HM13: variants seen among roughly 807,000 people sequenced by gnomAD.
The protein encoded by HM13 is signal peptide peptidase.
A neutral mutation model predicts 50.0 loss-of-function variants in HM13; 18 were observed. The ratio of observed to expected loss-of-function variants is 0.36; its 90% CI spans 0.25 to 0.53. The LOEUF is 0.53. Ranked by LOEUF, HM13 falls within the 20% of genes least tolerant of loss-of-function variation. The probability of loss-of-function intolerance (pLI) is 0.90; values close to 1 mark genes in which losing one functional copy is unlikely to be tolerated. For synonymous variants in HM13, 197 were observed against 232.6 expected (o/e 0.85, Z 1.39); for missense variants, 393 against 552.4 (o/e 0.71, Z 2.89).
intron 3 of HM13, chr20:31,538,662 A>G (rs1196405139): frequency 8.9e-7 from 1 of 1,128,910 alleles, no homozygotes; most frequent in African/African-American, 1.6e-5. Context: ...CAGAGGCAGC[A>G]TAGTGAAAAG....
intron 8 of HM13, among the ~76,000 whole-genome samples, chr20:31,557,706 T>C (rs1350977417): frequency 7.0e-6 from 1 of 143,740 alleles, no homozygotes; most frequent in Non-Finnish European, 1.5e-5. Context: ...AGTGCTTCTT[T>C]TTTTTTTTTT....
At chr20:31,547,992 C>T in intron 4 of HM13, 3 of 1,584,702 alleles carry the variant, frequency 1.9e-6, no homozygotes, top group Admixed American at 1.7e-5. Context: ...AAGGAATTGG[C>T]ATTGAAAATA....
intron 3 of HM13, among the ~76,000 whole-genome samples, chr20:31,543,891 G>A (rs1367281423): frequency 6.6e-6 from 1 of 151,630 alleles, no homozygotes; most frequent in Non-Finnish European, 1.5e-5. Context: ...CCGAGATCGC[G>A]CCACTGCATT....
chr20:31,523,436 T>C lies in HM13; in HGVS notation c.184-4048T>C, dbSNP rs149915286. ...CACCAGCACGCCCAGCTAATTTTTG[T>C]ATTTTTAGTAGAGACAAGGTTTCAC... On this transcript the variant is annotated intron_variant, in intron 1 of 12. Transcript: ENST00000398174. 1.7e-3 allele frequency among the ~76,000 whole-genome samples: 265 copies of C among 152,220 alleles called. 4 individuals carry two copies. In the East Asian group the frequency reaches 0.049, roughly 28 times the overall value.
In HM13 at chr20:31,568,094, G is replaced by C. The variant is rs1216695523; in HGVS notation, c.1051G>C (p.Glu351Gln). 3 of 1,611,004 alleles carry C rather than the reference G, an allele frequency of 1.9e-6. No individual in the cohort carries two copies. In the Admixed American group the frequency reaches 5.0e-5, roughly 27 times the overall value. ...CTCACACAGCTACGAGTCCTCGGCG[G>C]AAATCCTGCCTCATACCCCGAGGCT... Reference protein sequence around the residue: ...TEMFSYESSAEILPHTPRLTH... With the variant: ...TEMFSYESSAQILPHTPRLTH... The change falls in exon 12 of 13, where the codon GAA becomes CAA. Residue 351 changes from glutamate to glutamine, a missense_variant. By Grantham distance (29) the Glu-to-Gln change is conservative. This residue lies in a region of HM13 where 105 missense variants were observed against 115.9 expected (regional missense o/e 0.91). Transcript: ENST00000398174.
chr20:31,534,148 G>GCC (rs549300622), intron 2 of HM13, among the ~76,000 whole-genome samples: 325 of 152,224 alleles, frequency 2.1e-3, no homozygotes, highest in Admixed American at 3.5e-3. Context: ...AAAGTGCTGG[G>GCC]ATTACAGGCG....
At chr20:31,528,986 T>C (rs1299584826) in intron 2 of HM13, among the ~76,000 whole-genome samples, 2 of 152,222 alleles carry the variant, frequency 1.3e-5, no homozygotes, top group Non-Finnish European at 2.9e-5. Context: ...TTTTGTTGTT[T>C]ATGTTAGGTT....
At chr20:31,566,815 C>T (rs1029159452) in intron 11 of HM13, among the ~76,000 whole-genome samples, 2 of 151,992 alleles carry the variant, frequency 1.3e-5, no homozygotes, top group African/African-American at 2.4e-5. Context: ...CACAGATACC[C>T]CTTCCCCAGG....
At chr20:31,555,475 C>T (rs6059958) in intron 8 of HM13, among the ~76,000 whole-genome samples, 48,158 of 152,034 alleles carry the variant, frequency 0.32, 11,608 homozygotes, top group African/African-American at 0.68. Context: ...GCACATCCTG[C>T]GCAACCACAG....
chr20:31,560,982 C>G (rs1487865021), intron 9 of HM13, among the ~76,000 whole-genome samples: 1 of 152,170 alleles, frequency 6.6e-6, no homozygotes, highest in African/African-American at 2.4e-5. Context: ...AGAGGGAAGT[C>G]ACGTAATGGC....
At chr20:31,562,890 C>CAG (rs1437765664) in intron 10 of HM13, among the ~76,000 whole-genome samples, 4 of 152,196 alleles carry the variant, frequency 2.6e-5, no homozygotes, top group Non-Finnish European at 5.9e-5. Context: ...GCAAGGGTCA[C>CAG]AGAGAGTGAC....
At chr20:31,521,895 T>A (rs1433448358) in intron 1 of HM13, among the ~76,000 whole-genome samples, 1 of 147,330 alleles carries the variant, frequency 6.8e-6, no homozygotes, top group Non-Finnish European at 1.5e-5. Flanking sequence ...AGTATCTCCA[T>A]GTTGCCCATG....
chr20:31,567,862 C>T (rs1408546035), intron 11 of HM13: 1 of 546,790 alleles, frequency 1.8e-6, no homozygotes. Context: ...CATGCTTGTT[C>T]TTCTGCACAG....
intron 8 of HM13, among the ~76,000 whole-genome samples, chr20:31,556,912 G>A (rs911318551): frequency 6.6e-5 from 10 of 151,702 alleles, no homozygotes; most frequent in East Asian, 1.9e-4. Flanking sequence ...CCAGCTACTC[G>A]GGAGGCTGAG....
chr20:31,523,127 T>A (rs926103452), intron 1 of HM13, among the ~76,000 whole-genome samples: 4 of 149,600 alleles, frequency 2.7e-5, no homozygotes, highest in Non-Finnish European at 4.4e-5. Context: ...CCCCACTCAC[T>A]ACGGCCTCCA....
At chr20:31,564,792 C>T (rs1984799701) in intron 10 of HM13, among the ~76,000 whole-genome samples, 1 of 147,170 alleles carries the variant, frequency 6.8e-6, no homozygotes, top group African/African-American at 2.5e-5. Context: ...TGCAATGAGC[C>T]AAGATCGCAC....
chr20:31,537,638 A>C (rs1315043221), intron 2 of HM13, among the ~76,000 whole-genome samples: 1 of 152,222 alleles, frequency 6.6e-6, no homozygotes, highest in Non-Finnish European at 1.5e-5. Flanking sequence ...CGACGAAAAG[A>C]CCAAGAAGCA....
In HM13 at chr20:31,514,490, C is replaced by A; in HGVS notation, c.-62C>A. The A allele has an allele frequency of 6.5e-7, 1 of 1,540,904 alleles. No homozygotes were observed. The highest frequency in any genetic ancestry group is 1.9e-5 in the Admixed American group (1 of 51,310). On this transcript the variant is annotated 5_prime_UTR_variant, in exon 1 of 13. Coordinates refer to ENST00000398174, the MANE Select transcript of HM13 (RefSeq NM_178581.3). This position sits in a 1 kb window ranked among gnomAD's most constrained non-coding sequence, Gnocchi z 4.3. ...GTGGCTTTCCCTGCAGAGCCGGTGT[C>A]TCCGCCTGCGTCCCTGCTGCAGCAA...
chr20:31,526,200 A>G (rs1240953642), intron 1 of HM13, among the ~76,000 whole-genome samples: 1 of 150,558 alleles, frequency 6.6e-6, no homozygotes, highest in Non-Finnish European at 1.5e-5. Flanking sequence ...TGTGTCTCCC[A>G]GGCTAGAGTG....
Sources: allele counts gnomAD v4.1 joint callset (sites outside exome capture counted in the v4.1 genomes callset), GRCh38; gene constraint gnomAD v4.1.1; regional missense constraint gnomAD v4.1.1; non-coding constraint Gnocchi (gnomAD v3.1); transcripts MANE v1.5; gene names NCBI Gene and HGNC (gene_info 2026-07-23, HGNC 2026-07-21).